The following ACSBG2 variants were observed in gnomAD, a reference collection of about 807,000 sequenced individuals.
The protein encoded by ACSBG2 is long-chain-fatty-acid--CoA ligase ACSBG2.
A neutral mutation model predicts 74.7 loss-of-function variants in ACSBG2; 62 were observed. The ratio of observed to expected loss-of-function variants is 0.83; its 90% CI spans 0.68 to 1.03. The LOEUF (loss-of-function observed/expected upper bound fraction) is 1.03. ACSBG2 is among the 50% of genes least tolerant of loss of function. The pLI is 0.00. For missense variants in ACSBG2, 730 were observed against 817.6 expected, an observed-to-expected ratio of 0.89 and a Z score of 1.31; for synonymous variants, 309 against 294.1, an observed-to-expected ratio of 1.05 and a Z score of -0.52.
At chr19:6,153,905 GA>G (rs1409224173) in intron 4 of ACSBG2, among the ~76,000 whole-genome samples, 2 of 138,796 alleles carry the variant, frequency 1.4e-5, no homozygotes, top group Non-Finnish European at 3.2e-5. Context: ...AGAAAAGAAG[GA>G]AAAGAAAAAA....
intron 4 of ACSBG2, among the ~76,000 whole-genome samples, chr19:6,153,723 C>T (rs2089311913): frequency 6.6e-6 from 1 of 152,006 alleles, no homozygotes; most frequent in South Asian, 2.1e-4. Flanking sequence ...TGGTGTGTGC[C>T]TGTAGTCCCA....
At chr19:6,158,615 G>A (rs2089506087) in intron 5 of ACSBG2, among the ~76,000 whole-genome samples, 1 of 152,120 alleles carries the variant, frequency 6.6e-6, no homozygotes, top group African/African-American at 2.4e-5. Context: ...TTCAGCTCAA[G>A]GACCACTGTG....
At position 6,161,278 on chromosome 19, in the gene ACSBG2, A is replaced by T; in HGVS notation, c.571A>T (p.Asn191Tyr). ...CCAGTACAGACTGCCAATGAAGAAG[A>T]ACAACAACTTGTACTCTGTAAGTGT... ...IIQYRLPMKK[N>Y]NNLYSWDDFM... The change falls in exon 6 of 15, where the codon AAC becomes TAC. Residue 191 changes from asparagine to tyrosine, a missense_variant. Transcript: ENST00000588485. 6.2e-7 allele frequency: 1 copy of T among 1,613,268 alleles called. No individual in the cohort carries two copies. The highest frequency in any genetic ancestry group is 8.5e-7 in the Non-Finnish European group (1 of 1,179,406).
chr19:6,136,117 T>A (rs1367482401), intron 1 of ACSBG2, among the ~76,000 whole-genome samples: 3 of 149,494 alleles, frequency 2.0e-5, no homozygotes, highest in Non-Finnish European at 4.5e-5. Flanking sequence ...ATTTTTTTTT[T>A]TTTTTTGAGA....
chr19:6,141,468 C>T (rs921644492), intron 1 of ACSBG2, 45 bp from the exon 2 acceptor site: 3 of 945,740 alleles, frequency 3.2e-6, no homozygotes, highest in Non-Finnish European at 5.2e-6. Flanking sequence ...ATCCCTACAG[C>T]CCCTTTGCCA....
At chr19:6,165,037 G>A (rs917404680) in intron 6 of ACSBG2, among the ~76,000 whole-genome samples, 3 of 152,158 alleles carry the variant, frequency 2.0e-5, no homozygotes, top group African/African-American at 7.2e-5. Context: ...GATGCCTTTG[G>A]TCGTAAGTGA....
intron 3 of ACSBG2, among the ~76,000 whole-genome samples, chr19:6,147,910 A>G (rs77826515): frequency 0.019 from 2,857 of 152,202 alleles, 93 homozygotes; most frequent in African/African-American, 0.065. Flanking sequence ...ATATAAAATG[A>G]AATTTTTATA....
At chr19:6,185,712 A>C in intron 11 of ACSBG2, 59 bp downstream of exon 11, 1 of 1,585,050 alleles carries the variant, frequency 6.3e-7, no homozygotes, top group Non-Finnish European at 8.6e-7. Context: ...TGAACATTTA[A>C]GGGCCCAGGG....
chr19:6,164,455 T>A (rs2089733238), intron 6 of ACSBG2, among the ~76,000 whole-genome samples: 1 of 146,230 alleles, frequency 6.8e-6, no homozygotes, highest in African/African-American at 2.6e-5. Context: ...TTTTTTGAGA[T>A]GGAGTTTCAC....
In ACSBG2 at chr19:6,183,021, C is replaced by T. The variant is rs779245840; in HGVS notation, c.1089-18C>T. On this transcript the variant is annotated intron_variant, in intron 9 of 14. Transcript: ENST00000588485. ...GTCCCATCAGCCCTTCTCCACTTGA[C>T]GGCATTCTTATTCACAGGAAATATA... 1.2e-5 allele frequency: 19 copies of T among 1,613,572 alleles called. No homozygotes were observed. Among genetic ancestry groups the T allele is most frequent in the Middle Eastern group, 1.7e-4 (1 of 6,058 alleles).
intron 6 of ACSBG2, among the ~76,000 whole-genome samples, chr19:6,163,783 C>CAAAAAAAAAAAA (rs1278911071): frequency 1.2e-5 from 1 of 81,082 alleles, no homozygotes; most frequent in Non-Finnish European, 2.5e-5. Flanking sequence ...AAATAAAATA[C>CAAAAAAAAAAAA]AAAAAAAAAA....
At chr19:6,190,851 A>T (rs562188190) in intron 14 of ACSBG2, 159 bp downstream of exon 14, 86 of 518,094 alleles carry the variant, frequency 1.7e-4, no homozygotes, top group South Asian at 5.2e-4. Context: ...ACACACACAC[A>T]CTCTTAGTTG....
Position 6,161,542 on chromosome 19 carries a change from G to A in ACSBG2, c.588+247G>A, listed in dbSNP as rs1198359509. On this transcript the variant is annotated intron_variant, in intron 6 of 14. Coordinates refer to ENST00000588485, the MANE Select transcript of ACSBG2 (RefSeq NM_030924.5). ...AAATGTGAGCAGAGGGAGGGGGTGT[G>A]ACCTTACAAGGGAAGTGGGTGTGGC... is the stretch of plus-strand genomic sequence containing the variant. The A allele has an allele frequency of 1.5e-5, 6 of 403,404 alleles. No individual in the cohort carries two copies. The East Asian group carries it at 2.6e-4, about 18-fold the overall frequency. The allele number at this position is 403,404 out of a possible 1,614,324, so 25.0% of individuals were successfully genotyped here. A position where few individuals can be genotyped will look rare whatever the true frequency, so the allele number is the denominator to read the frequency against.
rs1240490615 is a variant in ACSBG2, at chr19:6,135,750, G to A, written c.-191G>A. 2 of 152,348 alleles carry A rather than the reference G, an allele frequency of 1.3e-5. No individual in the cohort carries two copies. Among genetic ancestry groups the A allele is most frequent in the African/African-American group, 4.8e-5 (2 of 41,436 alleles). The allele number at this position is 152,348 out of a possible 1,614,324, so 9.4% of individuals were successfully genotyped here. A position where few individuals can be genotyped will look rare whatever the true frequency, so the allele number is the denominator to read the frequency against. On this transcript the variant is annotated 5_prime_UTR_variant, in exon 1 of 15. Transcript: ENST00000588485. Reference sequence around the variant, plus strand: ...CACCATCATCCTGGCTGGACGGAGAGGGTGACGGGGGCTGGGAAGGGGCAG... The same window carrying A: ...CACCATCATCCTGGCTGGACGGAGAAGGTGACGGGGGCTGGGAAGGGGCAG...
intron 4 of ACSBG2, among the ~76,000 whole-genome samples, chr19:6,153,200 C>T (rs925425073): frequency 2.4e-4 from 36 of 152,152 alleles, no homozygotes; most frequent in South Asian, 1.7e-3. Flanking sequence ...GAGCCGAGAT[C>T]GCGCCACTGC....
intron 7 of ACSBG2, chr19:6,176,251 GC>G: frequency 7.5e-7 from 1 of 1,325,766 alleles, no homozygotes; most frequent in Non-Finnish European, 9.7e-7. Flanking sequence ...TGAAGTGGGG[GC>G]CCCAGGTCCT....
At position 6,192,946 on chromosome 19, in the gene ACSBG2, T is replaced by C. The variant is rs2090601682; in HGVS notation, c.*314T>C. 1 of 152,320 alleles carries C rather than the reference T, an allele frequency of 6.6e-6. No homozygotes were observed. Among genetic ancestry groups the C allele is most frequent in the South Asian group, 2.1e-4 (1 of 4,814 alleles). The allele number at this position is 152,320 out of a possible 1,614,324, so 9.4% of individuals were successfully genotyped here. On this transcript the variant is annotated 3_prime_UTR_variant, in exon 15 of 15. Transcript: ENST00000588485. ...AAGACCTGAACTTGTGGGCTCCCAT[T>C]TGATTTTTTTCTCCTCAGGGGACTC...
At position 6,156,571 on chromosome 19, in the gene ACSBG2, T is replaced by C. The variant is rs751438281; in HGVS notation, c.507+20T>C. The C allele has an allele frequency of 6.6e-7, 1 of 1,520,868 alleles. No homozygotes were observed. Among genetic ancestry groups the C allele is most frequent in the Admixed American group, 2.2e-5 (1 of 44,524 alleles). 94.2% of individuals were successfully genotyped at this position (1,520,868 alleles called of 1,614,324 possible). ...CTTTCGGTAAACCCCTACCCAGCAC[T>C]GCCTGCCAAAGTCACCCAGGGGTAC... On this transcript the variant is annotated intron_variant, in intron 5 of 14. Transcript: ENST00000588485.
At position 6,187,844 on chromosome 19, in the gene ACSBG2, A is replaced by G. The variant is rs1357296668; in HGVS notation, c.1926A>G (p.Leu642=). The G allele has an allele frequency of 1.9e-6, 3 of 1,613,196 alleles. No homozygotes were observed. The highest frequency in any genetic ancestry group is 2.5e-6 in the Non-Finnish European group (3 of 1,179,632). The part of the protein sequence containing the change: ...EKDFSIYGGE[L]GPMMKLKRHF... Reference sequence around the variant, plus strand: ...ACTTTTCCATCTATGGTGGAGAGCTAGGTGAGTGGCCATGACATTTGGAGG... The same window carrying G: ...ACTTTTCCATCTATGGTGGAGAGCTGGGTGAGTGGCCATGACATTTGGAGG... Residue 642 remains leucine, a splice_region_variant and synonymous_variant, in exon 13 of 15, where the codon CTA becomes CTG. Transcript: ENST00000588485.
Sources: gnomAD v4.1 joint callset for allele counts (sites outside exome capture counted in the v4.1 genomes callset) on GRCh38, gnomAD v4.1.1 for gene constraint, MANE v1.5 for transcripts, NCBI Gene and HGNC (gene_info 2026-07-23, HGNC 2026-07-21) for gene names.